The following TPD52L2 variants were observed in gnomAD, a reference collection of about 807,000 sequenced individuals.
TPD52L2 encodes the protein tumor protein D54.
In TPD52L2, 19 loss-of-function variants were observed where a neutral mutation model predicts 24.7. The observed-to-expected ratio is 0.77, with a 90% CI of 0.54 to 1.13. The LOEUF (loss-of-function observed/expected upper bound fraction) is 1.13. Among genes scored for constraint, TPD52L2 ranks in the 50% most tolerant of loss-of-function variants. The pLI, the probability that TPD52L2 is intolerant of heterozygous loss-of-function variation, is 0.00. For synonymous variants in TPD52L2, 104 were observed against 100.2 expected (o/e 1.04, Z -0.23); for missense variants, 236 against 250.4 (o/e 0.94, Z 0.39).
intron 2 of TPD52L2, among the ~76,000 whole-genome samples, chr20:63,871,639 T>G (rs902773912): frequency 2.1e-5 from 2 of 94,758 alleles, no homozygotes; most frequent in South Asian, 2.9e-4. Context: ...CAAGAAAGAG[T>G]TTTTTTTTTT....
At chr20:63,866,421 T>C (rs540735227) in intron 1 of TPD52L2, among the ~76,000 whole-genome samples, 3 of 151,286 alleles carry the variant, frequency 2.0e-5, no homozygotes, top group East Asian at 3.9e-4. Context: ...AGCTTTATAA[T>C]TCCTAGGTGC....
intron 1 of TPD52L2, among the ~76,000 whole-genome samples, chr20:63,868,365 A>G (rs906937209): frequency 1.3e-5 from 2 of 152,236 alleles, no homozygotes; most frequent in East Asian, 3.8e-4. Context: ...TTTGACATGA[A>G]GAAAAAACAG....
chr20:63,865,499 C>T, intron 1 of TPD52L2, 115 bp downstream of exon 1: 2 of 1,358,144 alleles, frequency 1.5e-6, no homozygotes, highest in Non-Finnish European at 2.0e-6. Flanking sequence ...TCACCCACCC[C>T]GCGGCCCCTC....
intron 5 of TPD52L2, among the ~76,000 whole-genome samples, chr20:63,885,836 T>A (rs545055665): frequency 6.6e-6 from 1 of 152,174 alleles, no homozygotes; most frequent in Non-Finnish European, 1.5e-5. Context: ...CTGGAGACAG[T>A]GCTGCTGTCC....
intron 2 of TPD52L2, among the ~76,000 whole-genome samples, chr20:63,873,215 C>T (rs899919240): frequency 1.3e-5 from 2 of 151,742 alleles, no homozygotes; most frequent in African/African-American, 4.8e-5. Flanking sequence ...GCTGGCTGGG[C>T]GCGGTGGCTC....
chr20:63,882,573 C>T (rs1206128474), intron 4 of TPD52L2, 146 bp from the exon 5 acceptor site: 3 of 689,562 alleles, frequency 4.4e-6, no homozygotes, highest in Non-Finnish European at 7.7e-6. Context: ...CCTGCACCCC[C>T]TCTGTAGACA....
At chr20:63,880,859 C>T (rs1313880911) in intron 4 of TPD52L2, among the ~76,000 whole-genome samples, 2 of 150,600 alleles carry the variant, frequency 1.3e-5, no homozygotes, top group Non-Finnish European at 2.9e-5. Flanking sequence ...CTGCTGCACT[C>T]CAGCCTGGGC....
At chr20:63,881,369 A>AG (rs965180352) in intron 4 of TPD52L2, among the ~76,000 whole-genome samples, 2 of 151,584 alleles carry the variant, frequency 1.3e-5, no homozygotes, top group African/African-American at 4.8e-5. Flanking sequence ...CAAAAAAAAA[A>AG]AAAAGAAAGA....
chr20:63,866,945 GTCTT>G (rs1310611948), intron 1 of TPD52L2, among the ~76,000 whole-genome samples: 1 of 150,764 alleles, frequency 6.6e-6, no homozygotes, highest in Non-Finnish European at 1.5e-5. Flanking sequence ...AGGTTAATTG[GTCTT>G]TCTACTTTTT....
intron 5 of TPD52L2, chr20:63,888,371 A>G (rs182669886): frequency 6.6e-6 from 1 of 152,616 alleles, no homozygotes; most frequent in East Asian, 1.9e-4. Flanking sequence ...GACTTTTCAT[A>G]ACTTCAGTAC....
chr20:63,883,364 G>A (rs544413382), intron 5 of TPD52L2, among the ~76,000 whole-genome samples: 45 of 152,312 alleles, frequency 3.0e-4, no homozygotes, highest in African/African-American at 9.9e-4. Context: ...GCAGGGGGCC[G>A]GCGCTTTGTG....
chr20:63,873,783 C>A lies in TPD52L2; in HGVS notation c.281C>A (p.Ser94Tyr). The stretch of plus-strand genomic sequence containing the variant: ...CTGGGGGAGCTGAAACAGAACCTGT[C>A]CAGGAGCTGGCATGACGTGCAGGTC... ...STLGELKQNL[S>Y]RSWHDVQVSS... The change falls in exon 3 of 7, where the codon TCC becomes TAC. Residue 94 changes from serine (S) to tyrosine (Y), a missense_variant. Coordinates refer to ENST00000346249, the MANE Select transcript of TPD52L2 (RefSeq NM_003288.4). 1 of 1,585,428 alleles carries A rather than the reference C, an allele frequency of 6.3e-7. No individual in the cohort carries two copies. The highest frequency in any genetic ancestry group is 1.8e-5 in the Admixed American group (1 of 54,070).
In TPD52L2 at chr20:63,890,594, TTCTTTGGACTCAAGCTGAAATACAA is replaced by T. The variant is rs2053291168; in HGVS notation, c.*650_*674del. 6.5e-6 allele frequency: 1 copy of T among 152,954 alleles called. No homozygotes were observed. Among genetic ancestry groups the T allele is most frequent in the Admixed American group, 6.5e-5 (1 of 15,286 alleles). The allele number at this position is 152,954 out of a possible 1,614,324, so 9.5% of individuals were successfully genotyped here. Reference sequence around the variant, plus strand: ...CAGCTTTAGCCTCATAGAATATTATTTCTTTGGACTCAAGCTGAAATACAAGCCTTACATTGCCTTATGCTTTATT... The same window carrying T: ...CAGCTTTAGCCTCATAGAATATTATTGCCTTACATTGCCTTATGCTTTATT... On this transcript the variant is annotated 3_prime_UTR_variant, in exon 7 of 7. Transcript: ENST00000346249.
At chr20:63,868,611 TTG>T (rs2052347730) in intron 1 of TPD52L2, among the ~76,000 whole-genome samples, 1 of 152,238 alleles carries the variant, frequency 6.6e-6, no homozygotes, top group Admixed American at 6.5e-5. Flanking sequence ...GTGATGCTTA[TTG>T]TGTATATTAA....
intron 1 of TPD52L2, among the ~76,000 whole-genome samples, chr20:63,866,040 A>G (rs985605722): frequency 3.9e-5 from 6 of 152,182 alleles, no homozygotes; most frequent in Non-Finnish European, 7.3e-5. Context: ...TCTTGAGAAG[A>G]TGATAAAAGT....
Position 63,865,401 on chromosome 20 carries a change from GC to G in TPD52L2, c.19+21del. On this transcript the variant is annotated intron_variant, in intron 1 of 6. Coordinates refer to ENST00000346249, the MANE Select transcript of TPD52L2 (RefSeq NM_003288.4). ...CCGGCCAAGGTACCTGCCGGGCCCG[GC>G]CCCTTCGCCGCAGATGGGCCCAGGC... The G allele has an allele frequency of 6.5e-7, 1 of 1,528,402 alleles. No homozygotes were observed. The highest frequency in any genetic ancestry group is 8.7e-7 in the Non-Finnish European group (1 of 1,142,992). 94.7% of individuals were successfully genotyped at this position (1,528,402 alleles called of 1,614,324 possible).
chr20:63,881,562 C>T (rs977520210), intron 4 of TPD52L2, among the ~76,000 whole-genome samples: 3 of 152,150 alleles, frequency 2.0e-5, no homozygotes, highest in Non-Finnish European at 4.4e-5. Flanking sequence ...TGAGTAAGGG[C>T]TCCGGAAGGC....
At chr20:63,866,179 A>T (rs2052223118) in intron 1 of TPD52L2, among the ~76,000 whole-genome samples, 1 of 151,916 alleles carries the variant, frequency 6.6e-6, no homozygotes, top group Non-Finnish European at 1.5e-5. Context: ...ATCTCAGCTC[A>T]TTGCAACCTC....
At chr20:63,875,154 T>A (rs58640922) in intron 3 of TPD52L2, among the ~76,000 whole-genome samples, 7,552 of 140,546 alleles carry the variant, frequency 0.054, 270 homozygotes, top group African/African-American at 0.094. Flanking sequence ...AAAAAAAAAA[T>A]ATATATATAT....
Sources: allele counts gnomAD v4.1 joint callset (sites outside exome capture counted in the v4.1 genomes callset), GRCh38; gene constraint gnomAD v4.1.1; transcripts MANE v1.5; gene names NCBI Gene and HGNC (gene_info 2026-07-23, HGNC 2026-07-21).